MPHOSPH6: variants seen among roughly 807,000 people sequenced by gnomAD.
The protein encoded by MPHOSPH6 is M-phase phosphoprotein 6.
A neutral mutation model predicts 21.8 loss-of-function variants in MPHOSPH6; 25 were observed. The ratio of observed to expected loss-of-function variants is 1.15; its 90% CI spans 0.83 to 1.60. The LOEUF (loss-of-function observed/expected upper bound fraction) is 1.60. Ranked by LOEUF, MPHOSPH6 falls within the 40% of genes most tolerant of loss-of-function variation. The pLI, the probability that MPHOSPH6 is intolerant of heterozygous loss-of-function variation, is 0.00. For missense variants in MPHOSPH6, 269 were observed against 181.8 expected, an observed-to-expected ratio of 1.48 and a Z score of -2.76; for synonymous variants, 84 against 56.5, an observed-to-expected ratio of 1.49 and a Z score of -2.18.
intron 2 of MPHOSPH6, among the ~76,000 whole-genome samples, chr16:82,157,847 G>A (rs1198329950): frequency 1.3e-5 from 2 of 152,194 alleles, no homozygotes; most frequent in African/African-American, 2.4e-5. Context: ...TAACCTGCCT[G>A]AGAAACATAA....
chr16:82,159,993 C>G (rs1906556259), intron 2 of MPHOSPH6, among the ~76,000 whole-genome samples: 1 of 152,160 alleles, frequency 6.6e-6, no homozygotes, highest in East Asian at 1.9e-4. Context: ...CTCAGGAAAG[C>G]ACCATACATC....
At chr16:82,163,926 C>T (rs540588231) in intron 2 of MPHOSPH6, 156 bp downstream of exon 2, 6 of 571,818 alleles carry the variant, frequency 1.0e-5, no homozygotes, top group African/African-American at 9.5e-5. Flanking sequence ...TGTACAACTT[C>T]TATAGGTTTA....
chr16:82,166,344 T>C (rs1164058968), intron 1 of MPHOSPH6, among the ~76,000 whole-genome samples: 2 of 152,270 alleles, frequency 1.3e-5, no homozygotes, highest in Admixed American at 6.5e-5. Flanking sequence ...CACGCTATAC[T>C]TCCCAGTCCT....
At chr16:82,150,449 C>T (rs932330955) in intron 3 of MPHOSPH6, among the ~76,000 whole-genome samples, 2 of 152,162 alleles carry the variant, frequency 1.3e-5, no homozygotes, top group African/African-American at 4.8e-5. Context: ...TTAATTATCA[C>T]ACATGCCTCC....
At chr16:82,165,550 T>C (rs1483885157) in intron 1 of MPHOSPH6, among the ~76,000 whole-genome samples, 1 of 152,212 alleles carries the variant, frequency 6.6e-6, no homozygotes, top group Non-Finnish European at 1.5e-5. Flanking sequence ...AAAATAGTCA[T>C]GCACTGCAAA....
intron 3 of MPHOSPH6, among the ~76,000 whole-genome samples, 177 bp from the exon 4 acceptor site, chr16:82,149,580 A>G (rs546335869): frequency 6.6e-6 from 1 of 152,362 alleles, no homozygotes; most frequent in African/African-American, 2.4e-5. Flanking sequence ...GTAAGCTCTG[A>G]GTCAAAAAAA....
chr16:82,163,035 T>G (rs1906654583), intron 2 of MPHOSPH6, among the ~76,000 whole-genome samples: 1 of 152,194 alleles, frequency 6.6e-6, no homozygotes, highest in South Asian at 2.1e-4. Flanking sequence ...ACCAACATCT[T>G]GCTTCCTCTG....
In MPHOSPH6 at chr16:82,149,413, A is replaced by G; in HGVS notation, c.256-10T>C. On this transcript the variant is annotated splice_polypyrimidine_tract_variant and intron_variant, in intron 3 of 4. Transcript: ENST00000258169. ...TCTGAAGCATCAATTTCTGAAAAAT[A>G]CACCAGTGCTGACCTTCAGGCTAGA... 6.2e-7 allele frequency: 1 copy of G among 1,609,688 alleles called. No individual in the cohort carries two copies. Among genetic ancestry groups the G allele is most frequent in the Non-Finnish European group, 8.5e-7 (1 of 1,179,006 alleles).
At chr16:82,156,607 A>G (rs1597161379) in intron 2 of MPHOSPH6, among the ~76,000 whole-genome samples, 1 of 152,344 alleles carries the variant, frequency 6.6e-6, no homozygotes, top group Middle Eastern at 3.4e-3. Flanking sequence ...AAAAAGATAC[A>G]TAACTCCAAA....
chr16:82,170,110 T>C lies in MPHOSPH6; in HGVS notation c.51+15A>G, dbSNP rs1299110161. On this transcript the variant is annotated intron_variant, in intron 1 of 4. Coordinates refer to ENST00000258169, the MANE Select transcript of MPHOSPH6 (RefSeq NM_005792.2). ...GCCCCTACCGCCCGGAGTGGCGCTC[T>C]CAGCGTCCCCGCACCTTCATGCGCA... is the stretch of plus-strand genomic sequence containing the variant. 2.5e-6 allele frequency: 4 copies of C among 1,588,058 alleles called. No individual in the cohort carries two copies. Among genetic ancestry groups the C allele is most frequent in the Non-Finnish European group, 3.4e-6 (4 of 1,167,626 alleles).
chr16:82,167,035 A>G (rs1906804402), intron 1 of MPHOSPH6, among the ~76,000 whole-genome samples: 1 of 152,198 alleles, frequency 6.6e-6, no homozygotes, highest in Non-Finnish European at 1.5e-5. Context: ...GTTGTCGTCG[A>G]TAAAGTTTTA....
At chr16:82,157,691 G>C (rs571826655) in intron 2 of MPHOSPH6, among the ~76,000 whole-genome samples, 1 of 152,116 alleles carries the variant, frequency 6.6e-6, no homozygotes, top group African/African-American at 2.4e-5. Context: ...GAGGAGAGGC[G>C]TCTTTTAAAA....
At chr16:82,161,955 T>A (rs1906621021) in intron 2 of MPHOSPH6, among the ~76,000 whole-genome samples, 1 of 152,096 alleles carries the variant, frequency 6.6e-6, no homozygotes, top group Non-Finnish European at 1.5e-5. Context: ...ACACATGCAA[T>A]CTCCAAATTC....
intron 2 of MPHOSPH6, among the ~76,000 whole-genome samples, chr16:82,163,297 T>A (rs903530642): frequency 1.3e-5 from 2 of 152,210 alleles, no homozygotes; most frequent in African/African-American, 4.8e-5. Flanking sequence ...CAGAGCTTAC[T>A]AAGGTGAGGA....
At chr16:82,151,575 C>T in intron 2 of MPHOSPH6, 61 bp from the exon 3 acceptor site, 1 of 1,487,110 alleles carries the variant, frequency 6.7e-7, no homozygotes, top group East Asian at 2.3e-5. Flanking sequence ...CAAAAGCCAA[C>T]ACTTTGAATA....
chr16:82,164,008 T>C (rs925161520), intron 2 of MPHOSPH6, 74 bp downstream of exon 2: 14 of 946,142 alleles, frequency 1.5e-5, no homozygotes, highest in Non-Finnish European at 2.3e-5. Flanking sequence ...GTCACCGGAA[T>C]GATGAGTTAA....
chr16:82,166,035 C>T (rs1022988755), intron 1 of MPHOSPH6, among the ~76,000 whole-genome samples: 14 of 152,302 alleles, frequency 9.2e-5, no homozygotes, highest in Non-Finnish European at 1.6e-4. Flanking sequence ...TACCATATGA[C>T]CCAGCAACCG....
intron 2 of MPHOSPH6, among the ~76,000 whole-genome samples, chr16:82,162,640 T>A (rs1282944356): frequency 6.6e-6 from 1 of 152,094 alleles, no homozygotes; most frequent in Non-Finnish European, 1.5e-5. Flanking sequence ...CCACTACACA[T>A]GCTAGGAGGT....
chr16:82,162,426 G>A (rs993994405), intron 2 of MPHOSPH6: 1 of 152,312 alleles, frequency 6.6e-6, no homozygotes. Flanking sequence ...TGGCCTGGGA[G>A]GCTGACTTGA....
Sources: gnomAD v4.1 joint callset for allele counts (sites outside exome capture counted in the v4.1 genomes callset) on GRCh38, gnomAD v4.1.1 for gene constraint, MANE v1.5 for transcripts, NCBI Gene and HGNC (gene_info 2026-07-23, HGNC 2026-07-21) for gene names.